The following MAMDC2 variants were observed in gnomAD, a reference collection of about 807,000 sequenced individuals.
The protein encoded by MAMDC2 is MAM domain containing 2.
Under a neutral mutation model 89.8 loss-of-function variants are expected in MAMDC2, and 57 were observed. The observed-to-expected ratio is 0.63, with a 90% CI of 0.51 to 0.79. The LOEUF (loss-of-function observed/expected upper bound fraction) is 0.79. Among genes scored for constraint, MAMDC2 ranks in the 30% least tolerant of loss-of-function variants. MAMDC2 has a pLI of 0.00. For missense variants in MAMDC2, 800 were observed against 820.6 expected, an observed-to-expected ratio of 0.97 and a Z score of 0.31; for synonymous variants, 313 against 293.4, an observed-to-expected ratio of 1.07 and a Z score of -0.68.
chr9:70,074,920 A>G (rs564684838), intron 2 of MAMDC2, among the ~76,000 whole-genome samples: 92 of 152,214 alleles, frequency 6.0e-4, no homozygotes, highest in Non-Finnish European at 1.0e-3. Context: ...GCCAGCCACA[A>G]AGAGCTGCAA....
intron 11 of MAMDC2, among the ~76,000 whole-genome samples, chr9:70,203,600 C>T (rs1248124708): frequency 1.4e-5 from 1 of 73,846 alleles, no homozygotes; most frequent in East Asian, 3.4e-4. Context: ...TGAACGTTGG[C>T]CTGCCTTGCT....
In MAMDC2 at chr9:70,218,341, CTACA is replaced by C; in HGVS notation, c.1658_1661del (p.Tyr553CysfsTer30). On this transcript the variant is annotated frameshift_variant, in exon 12 of 14. Coordinates refer to ENST00000377182, the MANE Select transcript of MAMDC2 (RefSeq NM_153267.5). LOFTEE classifies it high-confidence loss of function. ...TGCTTTTGCATTCACCTCAAGGCTA[CTACA>C]TGTACATTGAGGCCTCCCATATGGT... 6.2e-7 allele frequency: 1 copy of C among 1,612,352 alleles called. No individual in the cohort carries two copies.
At chr9:70,167,590 T>C (rs1016368775) in intron 9 of MAMDC2, among the ~76,000 whole-genome samples, 1 of 152,206 alleles carries the variant, frequency 6.6e-6, no homozygotes, top group African/African-American at 2.4e-5. Context: ...TACGTAAACA[T>C]TGTGATACAT....
In MAMDC2 at chr9:70,143,742, A is replaced by T. The variant is rs1329779735; in HGVS notation, c.1327A>T (p.Ile443Phe). 2 of 1,614,068 alleles carry T rather than the reference A, an allele frequency of 1.2e-6. No homozygotes were observed. Among genetic ancestry groups the T allele is most frequent in the African/African-American group, 1.3e-5 (1 of 74,930 alleles). The change falls in exon 9 of 14, where the codon ATC (isoleucine) becomes TTC (phenylalanine). Residue 443 changes from isoleucine (I) to phenylalanine (F), a missense_variant. By Grantham distance (21) the Ile-to-Phe change is conservative. Coordinates refer to ENST00000377182, the MANE Select transcript of MAMDC2 (RefSeq NM_153267.5). ...AGAGAACCATGTGGTTCAAGAGAAG[A>T]TCTGGTCTGTGTTGGAGTCCCCAAG... Reference protein sequence around the residue: ...FEENHVVQEKIWSVLESPRGV... With the variant: ...FEENHVVQEKFWSVLESPRGV...
chr9:70,107,154 G>T (rs952146384), intron 2 of MAMDC2, among the ~76,000 whole-genome samples: 2 of 150,076 alleles, frequency 1.3e-5, no homozygotes, highest in Admixed American at 1.3e-4. Flanking sequence ...GGCCCAGGAG[G>T]TCCCCAAAGA....
chr9:70,170,454 T>G, intron 10 of MAMDC2, 25 bp from the exon 11 acceptor site: 1 of 1,588,108 alleles, frequency 6.3e-7, no homozygotes, highest in African/African-American at 1.3e-5. Context: ...TCTCAGTGAT[T>G]GCAACATCTG....
rs558377791 is a variant in MAMDC2, at chr9:70,217,163, G to A, written c.1652-1174G>A. On this transcript the variant is annotated intron_variant, in intron 11 of 13. Coordinates refer to ENST00000377182, the MANE Select transcript of MAMDC2 (RefSeq NM_153267.5). ...AAAATATTACAGAATATGGCTCTTC[G>A]CCATCTTTTCTCTTCCCGTGGAGCC... 3.8e-4 allele frequency: 250 copies of A among 651,514 alleles called. 3 individuals are homozygous for A. In the Middle Eastern group the frequency reaches 0.013, roughly 34 times the overall value. The allele number at this position is 651,514 out of a possible 1,614,324, so 40.4% of individuals were successfully genotyped here.
intron 12 of MAMDC2, among the ~76,000 whole-genome samples, chr9:70,219,329 T>C (rs911225682): frequency 3.9e-5 from 6 of 152,230 alleles, no homozygotes; most frequent in Non-Finnish European, 5.9e-5. Flanking sequence ...TGGGAGATGA[T>C]AACGTTCAGA....
intron 6 of MAMDC2, among the ~76,000 whole-genome samples, chr9:70,129,583 A>G (rs986193121): frequency 6.6e-6 from 1 of 152,166 alleles, no homozygotes; most frequent in Non-Finnish European, 1.5e-5. Context: ...TGCAAACTAG[A>G]AGCCTAGAGG....
chr9:70,202,016 A>G (rs1320591679), intron 11 of MAMDC2, among the ~76,000 whole-genome samples: 1 of 148,894 alleles, frequency 6.7e-6, no homozygotes. Context: ...TCCTGGATTC[A>G]TAGATTTTTT....
At chr9:70,066,870 C>G (rs1827278174) in intron 2 of MAMDC2, among the ~76,000 whole-genome samples, 1 of 152,180 alleles carries the variant, frequency 6.6e-6, no homozygotes, top group African/African-American at 2.4e-5. Context: ...GATAAAGTAA[C>G]ACATAAACAA....
At chr9:70,198,058 T>C (rs1415397678) in intron 11 of MAMDC2, among the ~76,000 whole-genome samples, 2 of 148,866 alleles carry the variant, frequency 1.3e-5, no homozygotes, top group Non-Finnish European at 3.0e-5. Context: ...TTATAATTGT[T>C]CTATTTTTTT....
intron 5 of MAMDC2, among the ~76,000 whole-genome samples, chr9:70,121,598 C>G (rs1473651739): frequency 6.6e-6 from 1 of 151,856 alleles, no homozygotes; most frequent in African/African-American, 2.4e-5. Context: ...AGTTGTAATA[C>G]TTTAGAATCT....
At chr9:70,044,533 T>C (rs1826690973) in intron 1 of MAMDC2, 51 bp from the exon 2 acceptor site, 1 of 1,450,488 alleles carries the variant, frequency 6.9e-7, no homozygotes. Flanking sequence ...CCCGAGTTGG[T>C]GCAAAGGCTC....
chr9:70,048,754 T>TG (rs1261043396), intron 2 of MAMDC2, among the ~76,000 whole-genome samples: 1 of 152,338 alleles, frequency 6.6e-6, no homozygotes, highest in Admixed American at 6.5e-5. Context: ...ATGCCAGCTG[T>TG]GGGGGCAGAG....
chr9:70,130,772 A>T (rs1248488732), intron 6 of MAMDC2, among the ~76,000 whole-genome samples: 2 of 151,308 alleles, frequency 1.3e-5, no homozygotes, highest in Non-Finnish European at 2.9e-5. Context: ...GCAGGGAGGT[A>T]AAAAAACAAA....
intron 9 of MAMDC2, among the ~76,000 whole-genome samples, chr9:70,150,539 C>G (rs564912251): frequency 6.6e-6 from 1 of 152,198 alleles, no homozygotes; most frequent in Non-Finnish European, 1.5e-5. Context: ...TATCAAGTAC[C>G]TACTTTGTGC....
chr9:70,098,617 C>A (rs1436168084), intron 2 of MAMDC2, among the ~76,000 whole-genome samples: 1 of 152,132 alleles, frequency 6.6e-6, no homozygotes, highest in Non-Finnish European at 1.5e-5. Flanking sequence ...TTATCCATAC[C>A]TTCAGGATCC....
intron 9 of MAMDC2, among the ~76,000 whole-genome samples, chr9:70,155,656 C>T (rs2031735156): frequency 6.6e-6 from 1 of 152,202 alleles, no homozygotes; most frequent in African/African-American, 2.4e-5. Flanking sequence ...CCCATTCCTT[C>T]AGCCTCCAAA....
Sources: allele counts gnomAD v4.1 joint callset (sites outside exome capture counted in the v4.1 genomes callset), GRCh38; gene constraint gnomAD v4.1.1; transcripts MANE v1.5; gene names NCBI Gene and HGNC (gene_info 2026-07-23, HGNC 2026-07-21).